The following CLEC3A variants were observed in gnomAD, a reference collection of about 807,000 sequenced individuals.
CLEC3A encodes the protein C-type lectin domain family 3 member A.
CLEC3A carries 28 observed loss-of-function variants against 20.4 expected under a neutral mutation model. The observed-to-expected ratio is 1.37, with a 90% CI of 1.02 to 1.88. CLEC3A has a LOEUF of 1.88. Ranked by LOEUF, CLEC3A falls within the 40% of genes most tolerant of loss-of-function variation. The pLI, the probability that CLEC3A is intolerant of heterozygous loss-of-function variation, is 0.00. For missense variants in CLEC3A, 357 were observed against 240.4 expected (o/e 1.48, Z -3.21); for synonymous variants, 110 against 88.1 (o/e 1.25, Z -1.39).
chr16:78,030,871 A>G lies in CLEC3A; in HGVS notation c.*30A>G, dbSNP rs112889997. 1.9e-6 allele frequency: 3 copies of G among 1,572,116 alleles called. No individual in the cohort carries two copies. The highest frequency in any genetic ancestry group is 1.9e-5 in the Admixed American group (1 of 53,700). On this transcript the variant is annotated 3_prime_UTR_variant, in exon 3 of 3. Coordinates refer to ENST00000299642, the MANE Select transcript of CLEC3A (RefSeq NM_005752.6). ...TTCTCCAATGTGTCCTCCAAGCAAG[A>G]TTCATCATAACTTATAGGTTCATGA... is the stretch of plus-strand genomic sequence containing the variant.
rs759251564 is a variant in CLEC3A at position 78,030,808 on chromosome 16, G to C, written c.561G>C (p.Lys187Asn). 6.2e-7 allele frequency: 1 copy of C among 1,613,832 alleles called. No individual in the cohort carries two copies. Among genetic ancestry groups the C allele is most frequent in the Non-Finnish European group, 8.5e-7 (1 of 1,179,962 alleles). Reference sequence around the variant, plus strand: ...GTGATGAGGCCTGTCGCAGCAGCAAGAGATACATATGCGAGTTCACCATCC... The same window carrying C: ...GTGATGAGGCCTGTCGCAGCAGCAACAGATACATATGCGAGTTCACCATCC... ...KWSDEACRSS[K>N]RYICEFTIPQ Residue 187 changes from lysine (K) to asparagine (N), a missense_variant, in exon 3 of 3, where the codon AAG (lysine) becomes AAC (asparagine). By Grantham distance (94) the Lys-to-Asn change is moderately conservative (BLOSUM62 0). Transcript: ENST00000299642.
rs1345619706 is a variant in CLEC3A, at chr16:78,028,106, G to C, written c.116-1G>C. The C allele has an allele frequency of 2.5e-6, 4 of 1,606,022 alleles. No homozygotes were observed. The highest frequency in any genetic ancestry group is 3.5e-5 in the Admixed American group (2 of 57,318). ...CCATCCCACCCTAAAATTTTCCCCAGACAAGGATGGAGATCTGAAGACTCA... is the reference window on the plus strand; with the variant it reads ...CCATCCCACCCTAAAATTTTCCCCACACAAGGATGGAGATCTGAAGACTCA... On this transcript the variant is annotated splice_acceptor_variant, in intron 1 of 2. Transcript: ENST00000299642. LOFTEE classifies it high-confidence loss of function.
In CLEC3A at chr16:78,030,012, G is replaced by A. The variant is rs958480433; in HGVS notation, c.200-435G>A. Among the ~76,000 whole-genome samples the A allele has an allele frequency of 1.2e-4, 19 of 152,138 alleles. 1 individual carries two copies. The highest frequency in any genetic ancestry group is 5.9e-4 in the East Asian group (3 of 5,106). ...ACTAAAAATACAAAAAATTAGCCGA[G>A]TGTGGTGGCAGGCACCTGTAGTCCC... On this transcript the variant is annotated intron_variant, in intron 2 of 2. Coordinates refer to ENST00000299642, the MANE Select transcript of CLEC3A (RefSeq NM_005752.6).
chr16:78,028,963 T>TC (rs1207120937), intron 2 of CLEC3A: 3 of 349,372 alleles, frequency 8.6e-6, no homozygotes, highest in Non-Finnish European at 1.7e-5. Flanking sequence ...TTATCAGGCT[T>TC]CCGGGGGAAC....
At chr16:78,024,560 C>G (rs535962207) in intron 1 of CLEC3A, among the ~76,000 whole-genome samples, 1 of 152,234 alleles carries the variant, frequency 6.6e-6, no homozygotes, top group East Asian at 1.9e-4. Context: ...TGTCATTCCC[C>G]CAGTATAGTT....
Position 78,030,787 on chromosome 16 carries a change from TG to T in CLEC3A, c.541del (p.Glu181ArgfsTer31), listed in dbSNP as rs867053374. On this transcript the variant is annotated frameshift_variant, in exon 3 of 3. Coordinates refer to ENST00000299642, the MANE Select transcript of CLEC3A (RefSeq NM_005752.6). LOFTEE classifies it high-confidence loss of function. ...SQSAQGKWSD[E>X]ACRSSKRYIC... is the part of the protein sequence containing the mutation. The stretch of plus-strand genomic sequence containing the variant: ...AATCAGCTCAGGGCAAGTGGAGTGA[TG>T]AGGCCTGTCGCAGCAGCAAGAGATA... 1 of 1,614,146 alleles carries T rather than the reference TG, an allele frequency of 6.2e-7. No individual in the cohort carries two copies. The highest frequency in any genetic ancestry group is 8.5e-7 in the Non-Finnish European group (1 of 1,179,998).
At chr16:78,022,823 T>A in intron 1 of CLEC3A, 82 bp downstream of exon 1, 1 of 1,437,154 alleles carries the variant, frequency 7.0e-7, no homozygotes, top group Non-Finnish European at 9.5e-7. Context: ...TTCAAACTCC[T>A]CCAGGAGACT....
At chr16:78,030,189 T>G (rs2030051152) in intron 2 of CLEC3A, among the ~76,000 whole-genome samples, 1 of 147,696 alleles carries the variant, frequency 6.8e-6, no homozygotes, top group South Asian at 2.1e-4. Context: ...GTGTTACAAG[T>G]AACAACTTCT....
In CLEC3A at chr16:78,031,492, T is replaced by G. The variant is rs1922609; in HGVS notation, c.*651T>G. 0.25 allele frequency: 38,691 copies of G among 151,882 alleles called. 5,949 individuals are homozygous for G. The highest frequency in any genetic ancestry group is 0.33 in the Non-Finnish European group (22,588 of 67,914). The allele number at this position is 151,882 out of a possible 1,614,324, so 9.4% of individuals were successfully genotyped here. On this transcript the variant is annotated 3_prime_UTR_variant, in exon 3 of 3. Coordinates refer to ENST00000299642, the MANE Select transcript of CLEC3A (RefSeq NM_005752.6). ...GGAAGTTTCCAGCCGCAATTTGAAA[T>G]GAAATGACAAGGTGTATATTTGATC... is the stretch of plus-strand genomic sequence containing the variant.
intron 1 of CLEC3A, among the ~76,000 whole-genome samples, chr16:78,023,063 T>C (rs1272772781): frequency 1.3e-5 from 2 of 152,230 alleles, no homozygotes; most frequent in Admixed American, 6.5e-5. Flanking sequence ...TCTGAAAATC[T>C]GGTGTTATTA....
At chr16:78,024,728 A>C (rs2018791424) in intron 1 of CLEC3A, among the ~76,000 whole-genome samples, 1 of 152,202 alleles carries the variant, frequency 6.6e-6, no homozygotes, top group South Asian at 2.1e-4. Context: ...AAAGAGATCA[A>C]AAGTGAAAGC....
At chr16:78,029,887 C>T (rs2030035550) in intron 2 of CLEC3A, among the ~76,000 whole-genome samples, 1 of 152,088 alleles carries the variant, frequency 6.6e-6, no homozygotes, top group South Asian at 2.1e-4. Context: ...GGCGCAGTGG[C>T]TCACGCCTGT....
chr16:78,030,101 C>A (rs973377241), intron 2 of CLEC3A, among the ~76,000 whole-genome samples: 1 of 135,604 alleles, frequency 7.4e-6, no homozygotes, highest in East Asian at 2.3e-4. Flanking sequence ...TGCAGTGAGC[C>A]GAGATGGCGC....
rs139367477 is a variant in CLEC3A, at chr16:78,030,692, A to G, written c.445A>G (p.Ile149Val). The change falls in exon 3 of 3, where the codon ATC becomes GTC. Residue 149 changes from isoleucine (I) to valine (V), a missense_variant. Coordinates refer to ENST00000299642, the MANE Select transcript of CLEC3A (RefSeq NM_005752.6). ...GKFVDVNGIA[I>V]SFLNWDRAQP... The stretch of plus-strand genomic sequence containing the variant: ...GTTTGTTGACGTCAACGGAATCGCT[A>G]TCTCCTTCCTCAACTGGGACCGTGC... 74 of 1,613,994 alleles carry G rather than the reference A, an allele frequency of 4.6e-5. No homozygotes were observed. In the African/African-American group the frequency reaches 9.1e-4, roughly 20 times the overall value.
At chr16:78,022,928 C>G (rs2018768350) in intron 1 of CLEC3A, among the ~76,000 whole-genome samples, 187 bp downstream of exon 1, 1 of 151,866 alleles carries the variant, frequency 6.6e-6, no homozygotes, top group African/African-American at 2.4e-5. Context: ...TTTAAAGAAA[C>G]CAGGCTGCTG....
chr16:78,028,901 G>A (rs1748168290), intron 2 of CLEC3A, among the ~76,000 whole-genome samples: 1 of 152,160 alleles, frequency 6.6e-6, no homozygotes, highest in Admixed American at 6.5e-5. Flanking sequence ...CCAACCTGGG[G>A]TCATTTTTAC....
chr16:78,029,929 G>A (rs955886499), intron 2 of CLEC3A, among the ~76,000 whole-genome samples: 33 of 151,958 alleles, frequency 2.2e-4, no homozygotes, highest in Admixed American at 6.6e-4. Context: ...CGAGGCAGGC[G>A]GATCATGAGG....
intron 1 of CLEC3A, among the ~76,000 whole-genome samples, chr16:78,024,760 C>T (rs1244503072): frequency 1.3e-5 from 2 of 152,176 alleles, no homozygotes; most frequent in Non-Finnish European, 2.9e-5. Context: ...TCCCAATCCT[C>T]ACCACAAAAT....
In CLEC3A at chr16:78,029,031, C is replaced by G. The variant is rs756284033; in HGVS notation, c.199+841C>G. On this transcript the variant is annotated intron_variant, in intron 2 of 2. Coordinates refer to ENST00000299642, the MANE Select transcript of CLEC3A (RefSeq NM_005752.6). Reference sequence around the variant, plus strand: ...TATGCAGAAGGTGAGTTTGGTTCATCCTTTACCCACAGTCAGGTACTAGAA... The same window carrying G: ...TATGCAGAAGGTGAGTTTGGTTCATGCTTTACCCACAGTCAGGTACTAGAA... 1.2e-4 allele frequency: 51 copies of G among 435,844 alleles called. 1 individual carries two copies. The highest frequency in any genetic ancestry group is 2.1e-4 in the Non-Finnish European group (45 of 218,664). The allele number at this position is 435,844 out of a possible 1,614,324, so 27.0% of individuals were successfully genotyped here.
Sources: gnomAD v4.1 joint callset for allele counts (sites outside exome capture counted in the v4.1 genomes callset) on GRCh38, gnomAD v4.1.1 for gene constraint, MANE v1.5 for transcripts, NCBI Gene and HGNC (gene_info 2026-07-23, HGNC 2026-07-21) for gene names.